ABCA9: variants seen among roughly 807,000 people sequenced by gnomAD.
ABCA9 encodes ATP binding cassette subfamily A member 9, also known as ATP-binding cassette sub-family A member 9.
A neutral mutation model predicts 205.3 loss-of-function variants in ABCA9; 183 were observed. The ratio of observed to expected loss-of-function variants is 0.89; its 90% CI spans 0.79 to 1.01. The LOEUF (loss-of-function observed/expected upper bound fraction) is 1.01, where lower values mean the gene tolerates loss of function less well. ABCA9 is among the 50% of genes least tolerant of loss of function. The pLI is 0.00. For missense variants in ABCA9, 1,805 were observed against 1,912.4 expected, an observed-to-expected ratio of 0.94 and a Z score of 1.05; for synonymous variants, 651 against 683.3, an observed-to-expected ratio of 0.95 and a Z score of 0.74.
At position 69,032,199 on chromosome 17, in the gene ABCA9, C is replaced by T. The variant is rs1402953747; in HGVS notation, c.1354G>A (p.Val452Met). 2 of 1,613,934 alleles carry T rather than the reference C, an allele frequency of 1.2e-6. No individual in the cohort carries two copies. The highest frequency in any genetic ancestry group is 1.7e-6 in the Non-Finnish European group (2 of 1,179,854). The change falls in exon 10 of 39, where the codon GTG becomes ATG. Residue 452 changes from valine to methionine, a missense_variant. Physicochemically the swap from Val to Met is conservative, Grantham distance 21 (BLOSUM62 1). Coordinates refer to ENST00000340001, the MANE Select transcript of ABCA9 (RefSeq NM_080283.4). The part of the protein sequence containing the change: ...FWFQHGRANH[V>M]VLENETDSDP... ...GAATCTGTTTCATTCTCAAGGACCA[C>T]ATGATTAGCCCTTCCGTGTTGAAAC...
chr17:69,030,401 C>T (rs756062419), intron 10 of ABCA9, among the ~76,000 whole-genome samples: 1 of 152,156 alleles, frequency 6.6e-6, no homozygotes, highest in Non-Finnish European at 1.5e-5. Flanking sequence ...TACACTAGTT[C>T]CAGCAGGAAG....
chr17:69,035,629 T>TA, intron 7 of ABCA9, 31 bp downstream of exon 7: 1 of 1,608,878 alleles, frequency 6.2e-7, no homozygotes, highest in Non-Finnish European at 8.5e-7. Flanking sequence ...AGAAAGAGAA[T>TA]AAAAGACTTA....
intron 22 of ABCA9, 42 bp from the exon 23 acceptor site, chr17:69,012,125 ATC>A: frequency 7.7e-7 from 1 of 1,305,566 alleles, no homozygotes; most frequent in Non-Finnish European, 1.1e-6. Flanking sequence ...GCGATTGGGC[ATC>A]TGTTTCATCT....
In ABCA9 at chr17:69,027,376, T is replaced by C; in HGVS notation, c.1865A>G (p.Gln622Arg). Residue 622 changes from glutamine (Q) to arginine (R), a missense_variant, in exon 14 of 39, where the codon CAA becomes CGA. Physicochemically the swap from Gln to Arg is conservative, Grantham distance 43. Coordinates refer to ENST00000340001, the MANE Select transcript of ABCA9 (RefSeq NM_080283.4). ...AATCCCAAAAGTTAGTTTCCTATTT[T>C]GTCCACCACTTAAGTTTTGAGCAAG... Reference protein sequence around the residue: ...DILAQNLSGGQNRKLTFGIAI... With the variant: ...DILAQNLSGGRNRKLTFGIAI... The C allele has an allele frequency of 3.7e-6, 6 of 1,613,418 alleles. No individual in the cohort carries two copies. Among genetic ancestry groups the C allele is most frequent in the Non-Finnish European group, 5.1e-6 (6 of 1,179,674 alleles).
chr17:69,042,717 A>G (rs2071583686), intron 6 of ABCA9: 1 of 152,282 alleles, frequency 6.6e-6, no homozygotes, highest in South Asian at 2.1e-4. Context: ...GCTGTCTTTA[A>G]GTCAAATAAA....
At chr17:69,078,212 T>TTG in the ABCA9 span, among the ~76,000 whole-genome samples, 1 of 148,980 alleles carries the variant, frequency 6.7e-6, no homozygotes, top group Non-Finnish European at 1.5e-5. Context: ...TTTTTGTTGT[T>TTG]TTTTTTTTTT....
At chr17:69,032,034 C>A in intron 10 of ABCA9, 74 bp downstream of exon 10, 1 of 1,436,086 alleles carries the variant, frequency 7.0e-7, no homozygotes. Context: ...GATCTTTGCT[C>A]CTAGTGTGTC....
chr17:69,071,474 A>G, the ABCA9 span, among the ~76,000 whole-genome samples: 6 of 152,194 alleles, frequency 3.9e-5, no homozygotes, highest in Admixed American at 2.0e-4. Flanking sequence ...ACCCCCAGCA[A>G]ACTCCAGTAG....
At chr17:69,015,400 C>T (rs1484258999) in intron 22 of ABCA9, among the ~76,000 whole-genome samples, 1 of 152,040 alleles carries the variant, frequency 6.6e-6, no homozygotes, top group Non-Finnish European at 1.5e-5. Flanking sequence ...AAAGAGGTGA[C>T]CTGAAGACAT....
At chr17:69,028,277 C>T (rs903526995) in intron 12 of ABCA9, among the ~76,000 whole-genome samples, 2 of 152,194 alleles carry the variant, frequency 1.3e-5, no homozygotes, top group Non-Finnish European at 1.5e-5. Flanking sequence ...AGTGATTCTC[C>T]TGCCTCAGTC....
chr17:69,026,553 G>T, intron 15 of ABCA9, 86 bp from the exon 16 acceptor site: 1 of 1,205,240 alleles, frequency 8.3e-7, no homozygotes. Flanking sequence ...ACAATGTATT[G>T]TAGCAGCATG....
At chr17:68,989,450 T>G (rs2069373328) in intron 30 of ABCA9, among the ~76,000 whole-genome samples, 1 of 152,150 alleles carries the variant, frequency 6.6e-6, no homozygotes, top group Admixed American at 6.5e-5. Flanking sequence ...CCCCCCACTT[T>G]CACGAAATGG....
chr17:69,048,540 C>T (rs960330324), intron 3 of ABCA9, among the ~76,000 whole-genome samples: 2 of 152,144 alleles, frequency 1.3e-5, no homozygotes, highest in Non-Finnish European at 2.9e-5. Flanking sequence ...TGCCCTAGAC[C>T]TTCTCTTCCA....
At chr17:68,986,988 T>G (rs144858832) in intron 31 of ABCA9, among the ~76,000 whole-genome samples, 15 of 152,338 alleles carry the variant, frequency 9.8e-5, no homozygotes, top group Middle Eastern at 3.4e-3. Flanking sequence ...ATACACATGA[T>G]AGCATTTATT....
At chr17:68,976,278 T>A (rs2068891327) in intron 37 of ABCA9, 88 bp from the exon 38 acceptor site, 1 of 1,081,714 alleles carries the variant, frequency 9.2e-7, no homozygotes. Context: ...TACAAGTAGA[T>A]CTTAAACATA....
the ABCA9 span, among the ~76,000 whole-genome samples, chr17:69,076,851 G>A: frequency 6.6e-6 from 1 of 152,056 alleles, no homozygotes; most frequent in East Asian, 1.9e-4. Context: ...GGGATCAGTT[G>A]TAATGTCGCC....
chr17:69,029,732 T>C (rs1399679555), intron 10 of ABCA9, among the ~76,000 whole-genome samples: 2 of 152,142 alleles, frequency 1.3e-5, no homozygotes, highest in Admixed American at 6.5e-5. Context: ...AGCAGTGATA[T>C]GGGGATGACA....
At chr17:69,055,348 T>C (rs903063878) in intron 1 of ABCA9, among the ~76,000 whole-genome samples, 1 of 152,224 alleles carries the variant, frequency 6.6e-6, no homozygotes, top group Non-Finnish European at 1.5e-5. Flanking sequence ...AAAGCTGGAA[T>C]AACTATATTA....
At chr17:69,024,449 T>G (rs2070918303) in intron 16 of ABCA9, 96 bp from the exon 17 acceptor site, 3 of 1,215,800 alleles carry the variant, frequency 2.5e-6, no homozygotes. Context: ...TTATTAATAT[T>G]TATGAGACAA....
Sources: gnomAD v4.1 joint callset for allele counts (sites outside exome capture counted in the v4.1 genomes callset) on GRCh38, gnomAD v4.1.1 for gene constraint, MANE v1.5 for transcripts, NCBI Gene and HGNC (gene_info 2026-07-23, HGNC 2026-07-21) for gene names.